Variants in LINGO2 observed in about 807,000 individuals in gnomAD.
The protein encoded by LINGO2 is leucine rich repeat and Ig domain containing 2.
In LINGO2, 14 loss-of-function variants were observed where a neutral mutation model predicts 30.6. The observed-to-expected ratio is 0.46, with a 90% CI of 0.30 to 0.72. The LOEUF is 0.72. LINGO2 is among the 30% of genes least tolerant of loss of function. The pLI, the probability that LINGO2 is intolerant of heterozygous loss-of-function variation, is 0.07. For synonymous variants in LINGO2, 317 were observed against 288.5 expected, an observed-to-expected ratio of 1.10 and a Z score of -1.00; for missense variants, 729 against 751.7, an observed-to-expected ratio of 0.97 and a Z score of 0.35.
the LINGO2 span, among the ~76,000 whole-genome samples, chr9:28,982,469 G>A: frequency 6.6e-6 from 1 of 151,108 alleles, no homozygotes; most frequent in Admixed American, 6.6e-5. Context: ...AGTGTTCTAA[G>A]TCCTATGGAG....
chr9:28,314,092 G>A (rs981136581), intron 3 of LINGO2, among the ~76,000 whole-genome samples: 9 of 152,040 alleles, frequency 5.9e-5, no homozygotes, highest in Admixed American at 2.6e-4. Context: ...CCACCACCTC[G>A]CCCGGCTAAT....
chr9:28,244,470 G>A (rs1821925287), intron 4 of LINGO2, among the ~76,000 whole-genome samples: 2 of 152,012 alleles, frequency 1.3e-5, no homozygotes, highest in African/African-American at 4.8e-5. Context: ...TGGAACTGAA[G>A]GAGACAGAGA....
intron 3 of LINGO2, among the ~76,000 whole-genome samples, chr9:28,332,162 T>G (rs1415574926): frequency 6.6e-6 from 1 of 152,140 alleles, no homozygotes; most frequent in African/African-American, 2.4e-5. Context: ...CAGAGCAATT[T>G]AGGCACCTTT....
intron 2 of LINGO2, among the ~76,000 whole-genome samples, chr9:28,475,091 A>G (rs759898839): frequency 6.6e-6 from 1 of 152,164 alleles, no homozygotes; most frequent in East Asian, 1.9e-4. Flanking sequence ...CAGAGAGCCA[A>G]TTAGTCTCTC....
intron 2 of LINGO2, among the ~76,000 whole-genome samples, chr9:28,415,591 G>A (rs139665945): frequency 1.7e-3 from 261 of 152,094 alleles, no homozygotes; most frequent in African/African-American, 5.9e-3. Flanking sequence ...CCATTTTCCT[G>A]GAAGTATTCT....
the LINGO2 span, among the ~76,000 whole-genome samples, chr9:28,830,536 T>C: frequency 2.0e-5 from 3 of 152,172 alleles, no homozygotes; most frequent in African/African-American, 4.8e-5. Context: ...TGGACAGATA[T>C]GAAGATTAAA....
intron 1 of LINGO2, among the ~76,000 whole-genome samples, chr9:28,556,682 T>C (rs1365821819): frequency 1.3e-5 from 2 of 151,870 alleles, no homozygotes; most frequent in Non-Finnish European, 2.9e-5. Context: ...AGAGCCCGCA[T>C]CTCCAAGTCA....
At chr9:28,945,365 T>C in the LINGO2 span, among the ~76,000 whole-genome samples, 2 of 152,210 alleles carry the variant, frequency 1.3e-5, no homozygotes, top group Non-Finnish European at 2.9e-5. Flanking sequence ...TATTTTTACA[T>C]AGTTCTTCCA....
At chr9:28,047,928 G>A (rs1258848929) in intron 4 of LINGO2, among the ~76,000 whole-genome samples, 2 of 150,666 alleles carry the variant, frequency 1.3e-5, no homozygotes, top group Non-Finnish European at 2.9e-5. Flanking sequence ...CAACTTCAAA[G>A]TAGCAATGTG....
At chr9:28,363,382 T>C (rs1820531789) in intron 3 of LINGO2, among the ~76,000 whole-genome samples, 1 of 152,204 alleles carries the variant, frequency 6.6e-6, no homozygotes, top group African/African-American at 2.4e-5. Flanking sequence ...AGCAATCGTT[T>C]ATCAGGAAGG....
chr9:28,824,422 C>T, the LINGO2 span, among the ~76,000 whole-genome samples: 5 of 152,078 alleles, frequency 3.3e-5, no homozygotes, highest in African/African-American at 9.7e-5. Context: ...GCCTCAGATG[C>T]GGGACAAGGA....
intron 1 of LINGO2, among the ~76,000 whole-genome samples, chr9:28,591,289 C>T (rs1824895872): frequency 6.6e-6 from 1 of 151,792 alleles, no homozygotes; most frequent in African/African-American, 2.4e-5. Context: ...GCACATGTAC[C>T]CTAAAACTTA....
the LINGO2 span, among the ~76,000 whole-genome samples, chr9:28,851,156 T>C: frequency 6.6e-6 from 1 of 152,048 alleles, no homozygotes; most frequent in Non-Finnish European, 1.5e-5. Context: ...CTATAACAAG[T>C]TACAAGATAT....
upstream of LINGO2, among the ~76,000 whole-genome samples, chr9:28,673,946 T>A (rs1240355196): frequency 6.6e-6 from 1 of 151,128 alleles, no homozygotes; most frequent in Non-Finnish European, 1.5e-5. Flanking sequence ...CCAAACCATG[T>A]GTAAAAGAAA....
At chr9:29,211,288 A>C in the LINGO2 span, among the ~76,000 whole-genome samples, 1 of 152,102 alleles carries the variant, frequency 6.6e-6, no homozygotes, top group African/African-American at 2.4e-5. Context: ...GCACTCTTTC[A>C]TTTATTTATT....
the LINGO2 span, among the ~76,000 whole-genome samples, chr9:29,081,533 G>A: frequency 6.6e-6 from 1 of 152,122 alleles, no homozygotes; most frequent in Admixed American, 6.5e-5. Flanking sequence ...AGACAGGGGT[G>A]CCCTCTCTCA....
the LINGO2 span, among the ~76,000 whole-genome samples, chr9:28,689,833 A>G: frequency 2.6e-5 from 4 of 152,186 alleles, no homozygotes; most frequent in Non-Finnish European, 5.9e-5. Flanking sequence ...ATGACCATCA[A>G]TGATAGACTG....
the LINGO2 span, among the ~76,000 whole-genome samples, chr9:28,940,319 G>A: frequency 6.6e-6 from 1 of 152,092 alleles, no homozygotes. Flanking sequence ...GCCTACTTGT[G>A]CTCCTTATAT....
At chr9:28,359,587 T>C (rs1172850703) in intron 3 of LINGO2, among the ~76,000 whole-genome samples, 3 of 152,112 alleles carry the variant, frequency 2.0e-5, no homozygotes, top group Non-Finnish European at 4.4e-5. Context: ...ATCATTTGGG[T>C]GACAGAATGC....
Sources: allele counts gnomAD v4.1 joint callset (sites outside exome capture counted in the v4.1 genomes callset), GRCh38; gene constraint gnomAD v4.1.1; transcripts MANE v1.5; gene names NCBI Gene and HGNC (gene_info 2026-07-23, HGNC 2026-07-21).